The following TBC1D15 variants were observed in gnomAD, a reference collection of about 807,000 sequenced individuals.
The protein encoded by TBC1D15 is GAP for RAB7.
In TBC1D15, 39 loss-of-function variants were observed where a neutral mutation model predicts 95.4. The ratio of observed to expected loss-of-function variants is 0.41; its 90% CI spans 0.32 to 0.53. The LOEUF (loss-of-function observed/expected upper bound fraction) is 0.53. Among genes scored for constraint, TBC1D15 ranks in the 20% least tolerant of loss-of-function variants. TBC1D15 has a pLI of 0.29. For synonymous variants in TBC1D15, 258 were observed against 261.3 expected (o/e 0.99, Z 0.12); for missense variants, 733 against 794.3 (o/e 0.92, Z 0.93).
chr12:71,898,846 A>G (rs1345668850), intron 10 of TBC1D15, among the ~76,000 whole-genome samples: 1 of 152,206 alleles, frequency 6.6e-6, no homozygotes, highest in Non-Finnish European at 1.5e-5. Context: ...GTTTGTGGAC[A>G]TGAAAACAAG....
chr12:71,893,418 A>G (rs1285620972), intron 6 of TBC1D15, 94 bp downstream of exon 6: 2 of 691,382 alleles, frequency 2.9e-6, no homozygotes, highest in Non-Finnish European at 2.3e-6. Context: ...AAAATGAGAC[A>G]GGTACATATA....
At chr12:71,846,546 G>A (rs1427423404) in intron 1 of TBC1D15, among the ~76,000 whole-genome samples, 1 of 152,080 alleles carries the variant, frequency 6.6e-6, no homozygotes, top group East Asian at 1.9e-4. Flanking sequence ...CCACCAAGTG[G>A]CAAGTCTTTG....
chr12:71,921,330 CA>C (rs757348763), intron 15 of TBC1D15, 37 bp from the exon 16 acceptor site: 22 of 1,186,536 alleles, frequency 1.9e-5, no homozygotes, highest in Non-Finnish European at 2.6e-5. Context: ...ATAGTGTATT[CA>C]GTTTCGATAT....
At chr12:71,869,462 G>A (rs552111810) in intron 1 of TBC1D15, among the ~76,000 whole-genome samples, 2 of 152,324 alleles carry the variant, frequency 1.3e-5, no homozygotes, top group South Asian at 4.1e-4. Flanking sequence ...GGCAGAGGTT[G>A]CAGTGAGCTG....
At chr12:71,896,141 C>T (rs917318693) in intron 8 of TBC1D15, 66 bp downstream of exon 8, 150 of 1,266,658 alleles carry the variant, frequency 1.2e-4, no homozygotes, top group East Asian at 7.9e-4. Context: ...TTGTTGTTAT[C>T]GTTACTGTTT....
At chr12:71,867,712 C>T (rs1000874282) in intron 1 of TBC1D15, among the ~76,000 whole-genome samples, 1 of 152,178 alleles carries the variant, frequency 6.6e-6, no homozygotes, top group Non-Finnish European at 1.5e-5. Flanking sequence ...TGGTCTGGAA[C>T]TCCTGGGCTC....
chr12:71,865,274 C>A (rs1407660873), intron 1 of TBC1D15, among the ~76,000 whole-genome samples: 1 of 152,188 alleles, frequency 6.6e-6, no homozygotes, highest in East Asian at 1.9e-4. Context: ...CACTCTCTAG[C>A]AGCTTGGGCC....
In TBC1D15 at chr12:71,884,545, A is replaced by G. The variant is rs182658986; in HGVS notation, c.344-266A>G. 2.6e-5 allele frequency among the ~76,000 whole-genome samples: 4 copies of G among 152,276 alleles called. No individual in the cohort carries two copies. The East Asian group carries it at 7.7e-4, about 29-fold the overall frequency. ...ATCCAGTCTGCCTGCTTGCAAAGCCATGATCAGTTTTTTTGGGCAAAGCTT... is the reference window on the plus strand; with the variant it reads ...ATCCAGTCTGCCTGCTTGCAAAGCCGTGATCAGTTTTTTTGGGCAAAGCTT... On this transcript the variant is annotated intron_variant, in intron 4 of 16. Transcript: ENST00000485960.
At chr12:71,882,065 A>ATG (rs1895297546) in intron 4 of TBC1D15, among the ~76,000 whole-genome samples, 1 of 151,762 alleles carries the variant, frequency 6.6e-6, no homozygotes, top group African/African-American at 2.4e-5. Flanking sequence ...TATTTTCTAA[A>ATG]AGTTTTTTTC....
chr12:71,854,153 T>C (rs1399590484), intron 1 of TBC1D15, among the ~76,000 whole-genome samples: 7 of 152,180 alleles, frequency 4.6e-5, no homozygotes, highest in Admixed American at 4.6e-4. Flanking sequence ...AGCTAGACAA[T>C]TGTATTGCTC....
At chr12:71,903,615 G>A (rs1187928081) in intron 10 of TBC1D15, among the ~76,000 whole-genome samples, 2 of 152,174 alleles carry the variant, frequency 1.3e-5, no homozygotes, top group African/African-American at 4.8e-5. Flanking sequence ...CATGAAATCA[G>A]CCTAGATGCC....
At chr12:71,890,266 T>C (rs745622046) in intron 5 of TBC1D15, among the ~76,000 whole-genome samples, 1 of 152,202 alleles carries the variant, frequency 6.6e-6, no homozygotes, top group Non-Finnish European at 1.5e-5. Flanking sequence ...CTGGAGCAGT[T>C]ATCCTAAGTA....
chr12:71,907,267 A>T (rs1470262226), intron 11 of TBC1D15, 129 bp downstream of exon 11: 1 of 544,482 alleles, frequency 1.8e-6, no homozygotes, highest in East Asian at 3.2e-5. Context: ...TCTCCAGGGG[A>T]CTGGAAACTT....
At chr12:71,895,890 C>G in intron 7 of TBC1D15, 57 bp from the exon 8 acceptor site, 2 of 1,535,076 alleles carry the variant, frequency 1.3e-6, no homozygotes, top group Non-Finnish European at 1.8e-6. Flanking sequence ...TTCTATATGC[C>G]TTTATTTCAT....
At chr12:71,856,289 T>C (rs969564095) in intron 1 of TBC1D15, among the ~76,000 whole-genome samples, 1 of 152,182 alleles carries the variant, frequency 6.6e-6, no homozygotes, top group African/African-American at 2.4e-5. Context: ...ATCTCAGATA[T>C]GGTCTGGGAA....
chr12:71,913,571 G>C (rs1252817991), intron 11 of TBC1D15: 1 of 348,998 alleles, frequency 2.9e-6, no homozygotes, highest in East Asian at 9.0e-5. Context: ...TCTTGATAGT[G>C]TATCTGCACT....
At chr12:71,901,222 A>G (rs544253915) in intron 10 of TBC1D15, among the ~76,000 whole-genome samples, 18 of 152,106 alleles carry the variant, frequency 1.2e-4, no homozygotes, top group African/African-American at 4.3e-4. Flanking sequence ...GGGTCTCACT[A>G]TGTTTCCCAG....
chr12:71,893,550 C>G (rs1043476791), intron 6 of TBC1D15, among the ~76,000 whole-genome samples: 1 of 151,666 alleles, frequency 6.6e-6, no homozygotes, highest in Non-Finnish European at 1.5e-5. Flanking sequence ...TTCTTAGTTA[C>G]TCATAAGGAA....
At chr12:71,861,831 C>A (rs973943839) in intron 1 of TBC1D15, among the ~76,000 whole-genome samples, 3 of 149,440 alleles carry the variant, frequency 2.0e-5, no homozygotes, top group South Asian at 2.1e-4. Flanking sequence ...TTGCTATAAA[C>A]TTCCTTCTTA....
Sources: allele counts gnomAD v4.1 joint callset (sites outside exome capture counted in the v4.1 genomes callset), GRCh38; gene constraint gnomAD v4.1.1; transcripts MANE v1.5; gene names NCBI Gene and HGNC (gene_info 2026-07-23, HGNC 2026-07-21).